RELN: variants seen among roughly 807,000 people sequenced by gnomAD.
RELN encodes the protein reelin.
Under a neutral mutation model 427.6 loss-of-function variants are expected in RELN, and 108 were observed. The observed-to-expected ratio is 0.25, with a 90% CI of 0.22 to 0.30. RELN has a LOEUF of 0.30. Among genes scored for constraint, RELN ranks in the 10% least tolerant of loss-of-function variants. The pLI, the probability that RELN is intolerant of heterozygous loss-of-function variation, is 1.00. For missense variants in RELN, 3,715 were observed against 4,302.8 expected (o/e 0.86, Z 3.82); for synonymous variants, 1,524 against 1,513.4 (o/e 1.01, Z -0.16).
At chr7:103,512,204 G>C (rs1242982255) in intron 50 of RELN, among the ~76,000 whole-genome samples, 2 of 152,002 alleles carry the variant, frequency 1.3e-5, no homozygotes, top group Admixed American at 1.3e-4. Context: ...TATTTAATTA[G>C]ATAAACAAAT....
At chr7:103,658,446 G>A (rs2215536) in intron 12 of RELN, among the ~76,000 whole-genome samples, 16,889 of 151,964 alleles carry the variant, frequency 0.11, 1,497 homozygotes, top group African/African-American at 0.25. Context: ...GTTTTAAAGT[G>A]TTTTCTATAG....
intron 10 of RELN, among the ~76,000 whole-genome samples, chr7:103,697,060 G>C (rs981278913): frequency 1.2e-4 from 18 of 152,136 alleles, no homozygotes; most frequent in Non-Finnish European, 2.1e-4. Flanking sequence ...AGAGTACTAT[G>C]ACTGGGTGGC....
At chr7:103,678,625 T>C (rs1003473624) in intron 11 of RELN, among the ~76,000 whole-genome samples, 6 of 152,202 alleles carry the variant, frequency 3.9e-5, no homozygotes, top group Admixed American at 2.0e-4. Flanking sequence ...ACTGGCTCTC[T>C]TTTCTTCCTT....
intron 24 of RELN, among the ~76,000 whole-genome samples, chr7:103,599,138 G>A (rs1464430684): frequency 2.6e-5 from 4 of 152,096 alleles, no homozygotes; most frequent in Non-Finnish European, 4.4e-5. Flanking sequence ...ATCACCTTTT[G>A]CTTTCCATTA....
chr7:103,692,571 G>C (rs1212660808), intron 10 of RELN, among the ~76,000 whole-genome samples: 1 of 152,070 alleles, frequency 6.6e-6, no homozygotes, highest in Non-Finnish European at 1.5e-5. Context: ...CATTGGAGGT[G>C]AGCAGCTGTG....
At chr7:103,782,461 A>G (rs1236416987) in intron 3 of RELN, among the ~76,000 whole-genome samples, 1 of 152,140 alleles carries the variant, frequency 6.6e-6, no homozygotes, top group Non-Finnish European at 1.5e-5. Flanking sequence ...ACTTGAAATA[A>G]TAACTATTAC....
intron 24 of RELN, among the ~76,000 whole-genome samples, chr7:103,599,431 A>G (rs1444821622): frequency 2.6e-5 from 4 of 152,146 alleles, no homozygotes; most frequent in South Asian, 2.1e-4. Flanking sequence ...ATCACTTATT[A>G]ATTTTCCAAT....
In RELN at chr7:103,825,929, G is replaced by A. The variant is rs141669671; in HGVS notation, c.473+7608C>T. On this transcript the variant is annotated intron_variant, in intron 3 of 64. Transcript: ENST00000428762. ...GGTTTAAATGTGTACCTCAAAGTTCGTGTGTTGGAAACATGATTCCCAATG... is the reference window on the plus strand; with the variant it reads ...GGTTTAAATGTGTACCTCAAAGTTCATGTGTTGGAAACATGATTCCCAATG... Among the ~76,000 whole-genome samples, 13 of 152,002 alleles carry A rather than the reference G, an allele frequency of 8.6e-5. No homozygotes were observed. In the South Asian group the frequency reaches 1.0e-3, roughly 12 times the overall value.
At chr7:103,769,474 C>A (rs535904222) in intron 4 of RELN, among the ~76,000 whole-genome samples, 1 of 152,048 alleles carries the variant, frequency 6.6e-6, no homozygotes, top group Non-Finnish European at 1.5e-5. Context: ...TTTTGAACTT[C>A]CCAGCCTTCG....
At chr7:103,502,880 T>C (rs2117038952) in intron 52 of RELN, 136 bp downstream of exon 52, 2 of 769,628 alleles carry the variant, frequency 2.6e-6, no homozygotes, top group Non-Finnish European at 4.5e-6. Flanking sequence ...AGTAACCAAT[T>C]AGAGAACCTT....
At chr7:103,949,045 A>C (rs1490833514) in intron 1 of RELN, among the ~76,000 whole-genome samples, 1 of 142,464 alleles carries the variant, frequency 7.0e-6, no homozygotes, top group Non-Finnish European at 1.6e-5. Flanking sequence ...AAAAAAAAAA[A>C]AACCCGTATA....
Position 103,824,265 on chromosome 7 carries a change from G to A in RELN, c.473+9272C>T, listed in dbSNP as rs1054655913. ...AATTAGATGTTAATTTCTTCACTTG[G>A]AGTTCTGCACAGATTACTAATGTAA... On this transcript the variant is annotated intron_variant, in intron 3 of 64. Transcript: ENST00000428762. This position sits in a 1 kb window ranked among gnomAD's most constrained non-coding sequence, Gnocchi z 4.4. Among the ~76,000 whole-genome samples the A allele has an allele frequency of 6.6e-6, 1 of 151,742 alleles. No individual in the cohort carries two copies. The highest frequency in any genetic ancestry group is 1.5e-5 in the Non-Finnish European group (1 of 67,966).
intron 40 of RELN, 104 bp downstream of exon 40, chr7:103,553,357 A>T: frequency 1.2e-6 from 1 of 835,690 alleles, no homozygotes; most frequent in South Asian, 1.5e-5. Context: ...TTGCACAAAA[A>T]TGGGAGGTCA....
At chr7:103,528,899 A>G (rs1829880408) in intron 46 of RELN, among the ~76,000 whole-genome samples, 4 of 150,666 alleles carry the variant, frequency 2.7e-5, no homozygotes, top group Admixed American at 6.6e-5. Flanking sequence ...GCACTTTGGG[A>G]GGCCGAGGCG....
chr7:103,732,831 A>G (rs974661033), intron 6 of RELN, among the ~76,000 whole-genome samples: 3 of 152,100 alleles, frequency 2.0e-5, no homozygotes, highest in South Asian at 4.1e-4. Flanking sequence ...GTTCTCTATA[A>G]GTAGGTTGCG....
chr7:103,827,575 C>T (rs1793173838), intron 3 of RELN, among the ~76,000 whole-genome samples: 1 of 152,058 alleles, frequency 6.6e-6, no homozygotes, highest in Admixed American at 6.6e-5. Flanking sequence ...TATAAGAACA[C>T]ACATTAGACC....
chr7:103,510,942 C>T lies in RELN; in HGVS notation c.8183G>A (p.Gly2728Asp), dbSNP rs757194948. 5 of 1,612,218 alleles carry T rather than the reference C, an allele frequency of 3.1e-6. No individual in the cohort carries two copies. Among genetic ancestry groups the T allele is most frequent in the Non-Finnish European group, 3.4e-6 (4 of 1,178,322 alleles). ...TVERFCDSPD[G>D]VMLCGSHDGR... ...ATCATGACTGCCACAGAGCATCACA[C>T]CATCAGGGGAGTCACAGAATCTTTC... The change falls in exon 51 of 65, where the codon GGT (glycine) becomes GAT (aspartate). Residue 2728 changes from glycine to aspartate, a missense_variant. Around this residue, in one of 4 missense-constraint regions of RELN, gnomAD observed 1,310 missense variants for 1,643.0 expected, o/e 0.80. Coordinates refer to ENST00000428762, the MANE Select transcript of RELN (RefSeq NM_005045.4).
intron 2 of RELN, among the ~76,000 whole-genome samples, chr7:103,883,971 C>T (rs1020794985): frequency 6.6e-6 from 1 of 152,092 alleles, no homozygotes; most frequent in Admixed American, 6.6e-5. Context: ...TCCATATAGC[C>T]ACGACAATCC....
Position 103,621,553 on chromosome 7 carries a change from G to C in RELN, c.2702+8387C>G, listed in dbSNP as rs145441866. Among the ~76,000 whole-genome samples, 620 of 152,282 alleles carry C rather than the reference G, an allele frequency of 4.1e-3. 7 individuals carry two copies. Among genetic ancestry groups the C allele is most frequent in the African/African-American group, 0.014 (590 of 41,556 alleles). ...CAGCTCACACAAAGGTGCTGGGAGA[G>C]GAAAGAGCTTGGCTTGTTGGTGTAG... On this transcript the variant is annotated intron_variant, in intron 20 of 64. Coordinates refer to ENST00000428762, the MANE Select transcript of RELN (RefSeq NM_005045.4).
Sources: allele counts gnomAD v4.1 joint callset (sites outside exome capture counted in the v4.1 genomes callset), GRCh38; gene constraint gnomAD v4.1.1; regional missense constraint gnomAD v4.1.1; non-coding constraint Gnocchi (gnomAD v3.1); transcripts MANE v1.5; gene names NCBI Gene and HGNC (gene_info 2026-07-23, HGNC 2026-07-21).